TRIP12: variants seen among roughly 807,000 people sequenced by gnomAD.
TRIP12 encodes the protein E3 ubiquitin-protein ligase TRIP12.
In TRIP12, 25 loss-of-function variants were observed where a neutral mutation model predicts 244.2. The ratio of observed to expected loss-of-function variants is 0.10; its 90% confidence interval spans 0.07 to 0.14. TRIP12 has a LOEUF of 0.14. TRIP12 is among the 10% of genes least tolerant of loss of function. The pLI is 1.00. For synonymous variants in TRIP12, 905 were observed against 873.1 expected (o/e 1.04, Z -0.64); for missense variants, 1,677 against 2,486.4 (o/e 0.67, Z 6.92).
At chr2:229,920,448 C>T (rs1188819252) in intron 1 of TRIP12, among the ~76,000 whole-genome samples, 1 of 152,070 alleles carries the variant, frequency 6.6e-6, no homozygotes, top group Non-Finnish European at 1.5e-5. Flanking sequence ...GGATTCACTG[C>T]GCTATTAACC....
intron 4 of TRIP12, among the ~76,000 whole-genome samples, chr2:229,850,144 T>C (rs1168160387): frequency 6.6e-6 from 1 of 152,248 alleles, no homozygotes; most frequent in African/African-American, 2.4e-5. Context: ...AATTTAATTC[T>C]TATTTTGACC....
chr2:229,867,256 C>A (rs924024847), intron 2 of TRIP12, among the ~76,000 whole-genome samples: 73 of 150,676 alleles, frequency 4.8e-4, no homozygotes, highest in African/African-American at 1.5e-3. Context: ...ACCTCTGCCT[C>A]CTGGGTTCAA....
chr2:229,839,622 T>C (rs1280253847), intron 5 of TRIP12, among the ~76,000 whole-genome samples: 1 of 150,646 alleles, frequency 6.6e-6, no homozygotes, highest in Non-Finnish European at 1.5e-5. Context: ...GAGTTTGCAG[T>C]GAGCCGAGAT....
At chr2:229,866,063 A>G (rs2061465862) in intron 2 of TRIP12, among the ~76,000 whole-genome samples, 2 of 152,202 alleles carry the variant, frequency 1.3e-5, no homozygotes, top group Admixed American at 1.3e-4. Context: ...AACATACAGA[A>G]CAAAAAGACC....
chr2:229,874,196 C>A lies in TRIP12; in HGVS notation c.98+5786G>T, dbSNP rs191902012. Among the ~76,000 whole-genome samples the A allele has an allele frequency of 5.9e-5, 9 of 152,172 alleles. 1 individual carries two copies. On this transcript the variant is annotated intron_variant, in intron 2 of 41. Transcript: ENST00000675903. ...AAATAAATGAAAATGGCCCACGGAG[C>A]AAATTTTTCCACTCTATAGTAAACG...
intron 2 of TRIP12, among the ~76,000 whole-genome samples, chr2:229,860,884 C>T (rs552952671): frequency 6.6e-6 from 1 of 152,078 alleles, no homozygotes; most frequent in South Asian, 2.1e-4. Flanking sequence ...GACTTTAGAT[C>T]TAAACACACT....
chr2:229,771,684 C>T, intron 38 of TRIP12, 52 bp from the exon 39 acceptor site: 1 of 1,397,754 alleles, frequency 7.2e-7, no homozygotes, highest in Non-Finnish European at 1.0e-6. Flanking sequence ...AATCTCTTTA[C>T]TATTTAATAT....
intron 2 of TRIP12, among the ~76,000 whole-genome samples, chr2:229,861,658 A>T (rs1228764337): frequency 6.6e-6 from 1 of 152,190 alleles, no homozygotes; most frequent in Non-Finnish European, 1.5e-5. Flanking sequence ...ATATCATACA[A>T]GTACAACCAT....
At chr2:229,844,954 C>T (rs2057270867) in intron 4 of TRIP12, among the ~76,000 whole-genome samples, 1 of 152,202 alleles carries the variant, frequency 6.6e-6, no homozygotes, top group Non-Finnish European at 1.5e-5. Flanking sequence ...TTCTCCAACA[C>T]ATTTCTACTA....
chr2:229,769,452 CT>C, intron 39 of TRIP12, 127 bp from the exon 40 acceptor site: 1 of 439,666 alleles, frequency 2.3e-6, no homozygotes, highest in Non-Finnish European at 3.7e-6. Context: ...CTTGGGACCT[CT>C]TTCCAAAAAA....
At chr2:229,864,047 A>AGAGTGTGT in intron 2 of TRIP12, among the ~76,000 whole-genome samples, 7 of 79,286 alleles carry the variant, frequency 8.8e-5, no homozygotes, top group African/African-American at 1.9e-4. Flanking sequence ...AGAGAGAGAG[A>AGAGTGTGT]GTGTGTGTGT....
intron 34 of TRIP12, among the ~76,000 whole-genome samples, chr2:229,780,100 C>T (rs968143679): frequency 6.6e-6 from 1 of 152,156 alleles, no homozygotes; most frequent in African/African-American, 2.4e-5. Flanking sequence ...GTCCACTAAA[C>T]GTTTAACTCT....
rs1456680102 is a variant in TRIP12, at chr2:229,792,324, C to G, written c.4142-98G>C. On this transcript the variant is annotated intron_variant, in intron 27 of 41. Coordinates refer to ENST00000675903, the MANE Select transcript of TRIP12 (RefSeq NM_001348323.3). ...TGGTTAAACATATTCTTAGAAAACA[C>G]ATATAGGTTGAGTATCCCTTATCTG... 3.4e-6 allele frequency: 4 copies of G among 1,168,148 alleles called. No individual in the cohort carries two copies. The Admixed American group carries it at 8.5e-5, about 25-fold the overall frequency. 72.4% of individuals were successfully genotyped at this position (1,168,148 alleles called of 1,614,324 possible). A position where few individuals can be genotyped will look rare whatever the true frequency, so the allele number is the denominator to read the frequency against.
intron 1 of TRIP12, among the ~76,000 whole-genome samples, chr2:229,886,447 T>A (rs2066030480): frequency 6.6e-6 from 1 of 151,836 alleles, no homozygotes; most frequent in Non-Finnish European, 1.5e-5. Context: ...CGGGATATTA[T>A]ACAACATGTA....
intron 8 of TRIP12, among the ~76,000 whole-genome samples, chr2:229,826,918 T>C (rs1264552523): frequency 1.3e-5 from 2 of 152,182 alleles, no homozygotes; most frequent in African/African-American, 4.8e-5. Flanking sequence ...AAGCCTAGAC[T>C]ATATATTACT....
At chr2:229,871,947 CAGTG>C (rs2062678433) in intron 2 of TRIP12, among the ~76,000 whole-genome samples, 1 of 151,744 alleles carries the variant, frequency 6.6e-6, no homozygotes, top group Non-Finnish European at 1.5e-5. Flanking sequence ...TTCACGATGA[CAGTG>C]AGAATGTTCA....
At chr2:229,828,626 C>G (rs1054481398) in intron 8 of TRIP12, among the ~76,000 whole-genome samples, 3 of 151,906 alleles carry the variant, frequency 2.0e-5, no homozygotes, top group African/African-American at 4.8e-5. Context: ...CAAAAATTAG[C>G]CGGGCTTGAT....
chr2:229,879,545 C>T (rs2154353393), intron 2 of TRIP12, among the ~76,000 whole-genome samples: 1 of 152,314 alleles, frequency 6.6e-6, no homozygotes, highest in African/African-American at 2.4e-5. Flanking sequence ...AATATCTATG[C>T]TGTCAAAAGG....
At chr2:229,773,223 G>C (rs1410850439) in intron 38 of TRIP12, among the ~76,000 whole-genome samples, 1 of 151,784 alleles carries the variant, frequency 6.6e-6, no homozygotes, top group Non-Finnish European at 1.5e-5. Context: ...CTACAGGTGT[G>C]TGCCACCACA....
Sources: allele counts gnomAD v4.1 joint callset (sites outside exome capture counted in the v4.1 genomes callset), GRCh38; gene constraint gnomAD v4.1.1; transcripts MANE v1.5; gene names NCBI Gene and HGNC (gene_info 2026-07-23, HGNC 2026-07-21).